Variants in PRKCB observed in about 807,000 individuals in gnomAD.
The protein encoded by PRKCB is protein kinase C beta.
PRKCB carries 13 observed loss-of-function variants against 81.5 expected under a neutral mutation model. The ratio of observed to expected loss-of-function variants is 0.16; its 90% confidence interval spans 0.10 to 0.25. The LOEUF (loss-of-function observed/expected upper bound fraction) is 0.25, where lower values mean the gene tolerates loss of function less well. Ranked by LOEUF, PRKCB falls within the 10% of genes least tolerant of loss-of-function variation. PRKCB has a pLI of 1.00. For synonymous variants in PRKCB, 335 were observed against 321.4 expected (o/e 1.04, Z -0.45); for missense variants, 509 against 875.7 (o/e 0.58, Z 5.29).
intron 2 of PRKCB, among the ~76,000 whole-genome samples, chr16:23,849,322 A>C (rs1333159911): frequency 2.6e-5 from 4 of 152,184 alleles, no homozygotes; most frequent in Non-Finnish European, 5.9e-5. Context: ...CAGATAGTGT[A>C]GGTGAAGGTG....
At chr16:24,009,650 A>G (rs1965175674) in intron 3 of PRKCB, among the ~76,000 whole-genome samples, 1 of 151,902 alleles carries the variant, frequency 6.6e-6, no homozygotes, top group Non-Finnish European at 1.5e-5. Flanking sequence ...GAACCCTTGT[A>G]CACTGTTGGC....
intron 5 of PRKCB, among the ~76,000 whole-genome samples, chr16:24,058,036 T>G (rs557365781): frequency 1.3e-4 from 20 of 152,260 alleles, no homozygotes; most frequent in African/African-American, 4.6e-4. Context: ...CTTTCCAACC[T>G]TGTTTGTTCT....
At chr16:23,952,181 A>G (rs1964292823) in intron 2 of PRKCB, among the ~76,000 whole-genome samples, 1 of 152,104 alleles carries the variant, frequency 6.6e-6, no homozygotes, top group Non-Finnish European at 1.5e-5. Flanking sequence ...TGCTGCAGAG[A>G]TGGGAGTGAG....
At chr16:23,988,696 T>G in intron 3 of PRKCB, 106 bp downstream of exon 3, 2 of 1,082,108 alleles carry the variant, frequency 1.8e-6, no homozygotes, top group Non-Finnish European at 2.8e-6. Context: ...GATCTCACTC[T>G]AAGGCATGTG....
intron 7 of PRKCB, among the ~76,000 whole-genome samples, chr16:24,096,240 G>A (rs1183724670): frequency 6.6e-6 from 1 of 152,082 alleles, no homozygotes; most frequent in Admixed American, 6.5e-5. Context: ...CAGCCTGGGT[G>A]ACAGAGCAAG....
chr16:24,011,108 C>T (rs931595138), intron 3 of PRKCB, among the ~76,000 whole-genome samples: 6 of 152,118 alleles, frequency 3.9e-5, no homozygotes, highest in African/African-American at 1.4e-4. Flanking sequence ...TCAAGCAATC[C>T]TCCCACCTTG....
intron 3 of PRKCB, among the ~76,000 whole-genome samples, chr16:23,991,269 T>C (rs1001403653): frequency 2.0e-5 from 3 of 152,190 alleles, no homozygotes; most frequent in Non-Finnish European, 4.4e-5. Context: ...AATGTGGTAA[T>C]TGAGGTTAAG....
At chr16:23,962,458 C>A (rs948734169) in intron 2 of PRKCB, among the ~76,000 whole-genome samples, 2 of 152,204 alleles carry the variant, frequency 1.3e-5, no homozygotes, top group African/African-American at 2.4e-5. Context: ...GTTTGGTGAA[C>A]CCCTGGCCAT....
At chr16:24,064,841 G>A (rs959188448) in intron 5 of PRKCB, among the ~76,000 whole-genome samples, 5 of 151,120 alleles carry the variant, frequency 3.3e-5, no homozygotes, top group African/African-American at 4.9e-5. Context: ...AATGCTTCTT[G>A]CCTTAAAGCC....
At chr16:24,006,678 C>T (rs765100144) in intron 3 of PRKCB, among the ~76,000 whole-genome samples, 7 of 152,230 alleles carry the variant, frequency 4.6e-5, no homozygotes, top group Non-Finnish European at 1.0e-4. Context: ...TTACATTCAG[C>T]CTAAATTCAA....
chr16:24,101,058 A>G (rs1280288931), intron 7 of PRKCB, among the ~76,000 whole-genome samples: 25 of 152,162 alleles, frequency 1.6e-4, no homozygotes, highest in Non-Finnish European at 4.4e-5. Context: ...TCAAACACCA[A>G]TTTTAGGTCT....
Position 24,220,356 on chromosome 16 carries a change from C to T in PRKCB, c.*5540C>T, listed in dbSNP as rs1379231050. ...ACAATTTTCCAAACTTCCAGAAACT[C>T]ATCAAATGAACAGACAATGTCAAAA... On this transcript the variant is annotated 3_prime_UTR_variant, in exon 17 of 17. Transcript: ENST00000643927. 4 of 378,292 alleles carry T rather than the reference C, an allele frequency of 1.1e-5. No homozygotes were observed. In the East Asian group the frequency reaches 1.8e-4, roughly 17 times the overall value. The allele number at this position is 378,292 out of a possible 1,614,324, so 23.4% of individuals were successfully genotyped here. A position where few individuals can be genotyped will look rare whatever the true frequency, so the allele number is the denominator to read the frequency against.
chr16:23,902,582 A>C (rs980415944), intron 2 of PRKCB, among the ~76,000 whole-genome samples: 3 of 151,784 alleles, frequency 2.0e-5, no homozygotes, highest in African/African-American at 7.3e-5. Context: ...GCTCAGCTAG[A>C]CTCTAGCTAG....
chr16:24,128,846 C>G (rs1366545483), intron 9 of PRKCB, among the ~76,000 whole-genome samples: 1 of 152,156 alleles, frequency 6.6e-6, no homozygotes, highest in Non-Finnish European at 1.5e-5. Context: ...TTATCCTTAA[C>G]TGTCTGTTTT....
Position 24,218,928 on chromosome 16 carries a change from C to T in PRKCB, c.*4112C>T. The T allele has an allele frequency of 1.0e-6, 1 of 985,460 alleles. No homozygotes were observed. Among genetic ancestry groups the T allele is most frequent in the Non-Finnish European group, 1.2e-6 (1 of 830,018 alleles). 61.0% of individuals were successfully genotyped at this position (985,460 alleles called of 1,614,324 possible). On this transcript the variant is annotated 3_prime_UTR_variant, in exon 17 of 17. Coordinates refer to ENST00000643927, the MANE Select transcript of PRKCB (RefSeq NM_002738.7). The stretch of plus-strand genomic sequence containing the variant: ...GATGTGGTCAGGTAAAAATCAGGAA[C>T]CCACTGAAATCTTGGGCAAGCCACC...
chr16:23,976,425 G>A (rs1964626462), intron 2 of PRKCB, among the ~76,000 whole-genome samples: 1 of 152,180 alleles, frequency 6.6e-6, no homozygotes, highest in Non-Finnish European at 1.5e-5. Context: ...TCCTGAAGCT[G>A]ATTCTCTTTG....
At chr16:23,946,315 C>G (rs1964203482) in intron 2 of PRKCB, among the ~76,000 whole-genome samples, 2 of 152,098 alleles carry the variant, frequency 1.3e-5, no homozygotes, top group Admixed American at 1.3e-4. Flanking sequence ...AAGAGACCAC[C>G]CAAAGAATGA....
intron 5 of PRKCB, among the ~76,000 whole-genome samples, chr16:24,057,349 G>C (rs182922134): frequency 6.6e-6 from 1 of 152,162 alleles, no homozygotes; most frequent in African/African-American, 2.4e-5. Flanking sequence ...AAGTCCCATC[G>C]CTAGGGAGCG....
intron 2 of PRKCB, among the ~76,000 whole-genome samples, chr16:23,882,021 T>TCTCTTTCTTTCTTTCTTTCTCTTTCCTTC: frequency 1.8e-5 from 1 of 55,636 alleles, no homozygotes; most frequent in South Asian, 8.6e-4. Context: ...TTTCTTTCTT[T>TCTCTTTCTTTCTTTCTTTCTCTTTCCTTC]CTTCCTTCCT....
Sources: allele counts gnomAD v4.1 joint callset (sites outside exome capture counted in the v4.1 genomes callset), GRCh38; gene constraint gnomAD v4.1.1; transcripts MANE v1.5; gene names NCBI Gene and HGNC (gene_info 2026-07-23, HGNC 2026-07-21).